Variants in NTRK3 observed in about 807,000 individuals in gnomAD.
NTRK3 encodes the protein neurotrophic receptor tyrosine kinase 3.
A neutral mutation model predicts 91.7 loss-of-function variants in NTRK3; 24 were observed. The ratio of observed to expected loss-of-function variants is 0.26; its 90% confidence interval spans 0.19 to 0.37. The LOEUF (loss-of-function observed/expected upper bound fraction) is 0.37. Ranked by LOEUF, NTRK3 falls within the 10% of genes least tolerant of loss-of-function variation. The pLI is 1.00. For synonymous variants in NTRK3, 483 were observed against 404.0 expected, an observed-to-expected ratio of 1.20 and a Z score of -2.34; for missense variants, 880 against 1,068.9, an observed-to-expected ratio of 0.82 and a Z score of 2.46.
At chr15:87,983,253 T>C (rs952427191) in intron 14 of NTRK3, among the ~76,000 whole-genome samples, 14 of 152,318 alleles carry the variant, frequency 9.2e-5, no homozygotes, top group Middle Eastern at 3.4e-3. Context: ...GTGCTGGCGC[T>C]GGGGCCCTGG....
At chr15:88,097,910 G>A (rs1384566841) in intron 13 of NTRK3, among the ~76,000 whole-genome samples, 1 of 152,188 alleles carries the variant, frequency 6.6e-6, no homozygotes, top group African/African-American at 2.4e-5. Flanking sequence ...TATTTCCCAA[G>A]TTAGTTTCAT....
In NTRK3 at chr15:88,101,981, G is replaced by A. The variant is rs187194694; in HGVS notation, c.1396+24290C>T. ...GTATACATATGTAACAAACCTGCACGTTGTACACATGTACCCTAAAACTTA... is the reference window on the plus strand; with the variant it reads ...GTATACATATGTAACAAACCTGCACATTGTACACATGTACCCTAAAACTTA... On this transcript the variant is annotated intron_variant, in intron 13 of 18. Coordinates refer to ENST00000394480, the Ensembl canonical transcript of NTRK3. Among the ~76,000 whole-genome samples the A allele has an allele frequency of 1.9e-4, 29 of 151,950 alleles. No homozygotes were observed. In the East Asian group the frequency reaches 2.3e-3, roughly 12 times the overall value.
At chr15:88,123,729 G>A (rs2052984330) in intron 13 of NTRK3, among the ~76,000 whole-genome samples, 1 of 152,192 alleles carries the variant, frequency 6.6e-6, no homozygotes. Context: ...GGAAGCAGGG[G>A]CTTCCAAGTC....
At chr15:87,939,005 G>T (rs921258715) in intron 15 of NTRK3, among the ~76,000 whole-genome samples, 3 of 152,122 alleles carry the variant, frequency 2.0e-5, no homozygotes, top group African/African-American at 4.8e-5. Context: ...AATAAAAAAA[G>T]TTATTGGAAA....
At chr15:88,105,503 G>A (rs1178674347) in intron 13 of NTRK3, among the ~76,000 whole-genome samples, 1 of 152,192 alleles carries the variant, frequency 6.6e-6, no homozygotes, top group Non-Finnish European at 1.5e-5. Context: ...CAGTCCCAGA[G>A]GCAGGAGAAG....
At chr15:88,147,100 T>A (rs547801656) in intron 6 of NTRK3, among the ~76,000 whole-genome samples, 1 of 152,172 alleles carries the variant, frequency 6.6e-6, no homozygotes, top group Non-Finnish European at 1.5e-5. Context: ...TAAGTCATAA[T>A]AAAAGAAGAG....
intron 5 of NTRK3, among the ~76,000 whole-genome samples, chr15:88,156,587 T>A (rs1230571668): frequency 6.6e-6 from 1 of 152,042 alleles, no homozygotes; most frequent in Admixed American, 6.6e-5. Flanking sequence ...CACCGCACCT[T>A]TCATGCCCTT....
chr15:87,888,433 G>T (rs142745880), intron 17 of NTRK3, among the ~76,000 whole-genome samples: 2 of 152,090 alleles, frequency 1.3e-5, no homozygotes, highest in African/African-American at 4.8e-5. Context: ...GGATATCCAT[G>T]TCAAGGTCAA....
intron 14 of NTRK3, among the ~76,000 whole-genome samples, chr15:87,963,858 C>A (rs867088180): frequency 6.6e-6 from 1 of 152,094 alleles, no homozygotes. Context: ...AGGGGTCATA[C>A]GGCTTTATGT....
rs149864946 is a variant in NTRK3 at position 88,238,382 on chromosome 15, T to C, written c.248+17524A>G. Among the ~76,000 whole-genome samples, 340 of 152,276 alleles carry C rather than the reference T, an allele frequency of 2.2e-3. 1 individual carries two copies. The highest frequency in any genetic ancestry group is 7.8e-3 in the African/African-American group (326 of 41,546). On this transcript the variant is annotated intron_variant, in intron 3 of 18. Transcript: ENST00000394480. ...AATAAAGAAAAAACAAAGGATCTTGTATTGAATATTTTATCTACTCATCAC... is the reference window on the plus strand; with the variant it reads ...AATAAAGAAAAAACAAAGGATCTTGCATTGAATATTTTATCTACTCATCAC...
chr15:88,009,022 T>A (rs763795370), intron 14 of NTRK3, among the ~76,000 whole-genome samples: 2 of 152,206 alleles, frequency 1.3e-5, no homozygotes, highest in Non-Finnish European at 2.9e-5. Flanking sequence ...GTTTTCTTTC[T>A]GCCTCCAGGG....
chr15:87,980,429 ATGTT>A (rs1219131838), intron 14 of NTRK3, among the ~76,000 whole-genome samples: 4 of 151,758 alleles, frequency 2.6e-5, no homozygotes, highest in African/African-American at 7.3e-5. Flanking sequence ...GTGCATCTGT[ATGTT>A]TGTGTTTGCA....
chr15:88,180,986 C>T lies in NTRK3; in HGVS notation c.395+2432G>A, dbSNP rs141075528. ...CTCATCCTATTGACTCGTCTCTCTG[C>T]GACCCCCAGGCTCCTCTGGGCATCC... On this transcript the variant is annotated intron_variant, in intron 5 of 18. Transcript: ENST00000394480. 8.8e-3 allele frequency among the ~76,000 whole-genome samples: 1,344 copies of T among 152,290 alleles called. 11 individuals are homozygous for T. The highest frequency in any genetic ancestry group is 0.024 in the Middle Eastern group (7 of 294).
intron 13 of NTRK3, chr15:88,099,092 G>C: frequency 4.3e-6 from 1 of 230,722 alleles, no homozygotes; most frequent in Non-Finnish European, 8.6e-6. Flanking sequence ...GAGCATTGTA[G>C]TGGGTGGTGT....
Position 87,932,328 on chromosome 15 carries a change from A to G in NTRK3, c.1889+684T>C, listed in dbSNP as rs78283207. Among the ~76,000 whole-genome samples the G allele has an allele frequency of 6.0e-3, 911 of 152,320 alleles. 14 individuals are homozygous for G. Among genetic ancestry groups the G allele is most frequent in the East Asian group, 0.034 (177 of 5,186 alleles). On this transcript the variant is annotated intron_variant, in intron 16 of 18. Transcript: ENST00000394480. ...TTTATACTGTGCTTCCCTGTATGGT[A>G]AAAACTAGCCACATGTGACTAACAA...
At chr15:87,871,543 G>A in exon 19 of NTRK3, 1 of 230,588 alleles carries the variant, frequency 4.3e-6, no homozygotes, top group Non-Finnish European at 8.6e-6. Context: ...ACTCCTGTGT[G>A]GTCATCTATC....
chr15:88,221,127 C>A (rs1370551312), intron 3 of NTRK3, among the ~76,000 whole-genome samples: 1 of 152,200 alleles, frequency 6.6e-6, no homozygotes, highest in Non-Finnish European at 1.5e-5. Flanking sequence ...TTCAATTACT[C>A]TTTTCCTGGT....
intron 14 of NTRK3, among the ~76,000 whole-genome samples, chr15:88,012,665 C>T (rs117610364): frequency 0.029 from 4,400 of 152,248 alleles, 75 homozygotes; most frequent in South Asian, 0.054. Context: ...TAAATGTTTA[C>T]TAAATAAATA....
At chr15:88,205,538 A>G (rs2048674177) in intron 3 of NTRK3, among the ~76,000 whole-genome samples, 1 of 152,152 alleles carries the variant, frequency 6.6e-6, no homozygotes, top group African/African-American at 2.4e-5. Flanking sequence ...GAGCTCTGGT[A>G]TATCATCCTA....
Sources: gnomAD v4.1 joint callset for allele counts (sites outside exome capture counted in the v4.1 genomes callset) on GRCh38, gnomAD v4.1.1 for gene constraint, MANE v1.5 for transcripts, NCBI Gene and HGNC (gene_info 2026-07-23, HGNC 2026-07-21) for gene names.